Variants in ERICH6B observed in about 807,000 individuals in gnomAD.
ERICH6B encodes glutamate-rich protein 6B.
ERICH6B carries 69 observed loss-of-function variants against 80.0 expected under a neutral mutation model. That is an observed-to-expected ratio of 0.86 (90% CI 0.71 to 1.05). ERICH6B has a LOEUF of 1.05. Ranked by LOEUF, ERICH6B falls within the 50% of genes least tolerant of loss-of-function variation. The probability of loss-of-function intolerance (pLI) is 0.00; values close to 1 mark genes in which losing one functional copy is unlikely to be tolerated. For synonymous variants in ERICH6B, 283 were observed against 291.9 expected (o/e 0.97, Z 0.31); for missense variants, 754 against 796.1 (o/e 0.95, Z 0.64).
In ERICH6B at chr13:45,546,477, T is replaced by C. The variant is rs147711403; in HGVS notation, c.1647-1492A>G. 7.0e-3 allele frequency among the ~76,000 whole-genome samples: 1,071 copies of C among 152,356 alleles called. 8 individuals carry two copies. The highest frequency in any genetic ancestry group is 0.012 in the Non-Finnish European group (840 of 68,038). ...TTTATCTAGAAATATCTATTCACTGTAAACTTTGCCTTTCTTTGAAAACAA... is the reference window on the plus strand; with the variant it reads ...TTTATCTAGAAATATCTATTCACTGCAAACTTTGCCTTTCTTTGAAAACAA... On this transcript the variant is annotated intron_variant, in intron 13 of 14. Coordinates refer to ENST00000298738, the MANE Select transcript of ERICH6B (RefSeq NM_182542.3).
At chr13:45,611,422 A>T (rs1949899187) in intron 1 of ERICH6B, among the ~76,000 whole-genome samples, 1 of 152,262 alleles carries the variant, frequency 6.6e-6, no homozygotes, top group African/African-American at 2.4e-5. Context: ...ATAAGATTAA[A>T]GAAGCTTTCA....
intron 5 of ERICH6B, among the ~76,000 whole-genome samples, chr13:45,585,293 G>C (rs1053145510): frequency 2.0e-5 from 3 of 152,160 alleles, no homozygotes; most frequent in African/African-American, 7.2e-5. Context: ...TGGCTTTCTT[G>C]ATAGCTGACT....
At position 45,587,148 on chromosome 13, in the gene ERICH6B, A is replaced by G. The variant is rs1432458157; in HGVS notation, c.771T>C (p.Ser257=). ...GAAGCAACTCAGAAGACTCTGTGGCAGATTCAGAGACAGGAGAAGGGGTAG... is the reference window on the plus strand; with the variant it reads ...GAAGCAACTCAGAAGACTCTGTGGCGGATTCAGAGACAGGAGAAGGGGTAG... ...TFATPSPVSE[S]ATESSELLLT... Residue 257 remains serine (S), a synonymous_variant, in exon 5 of 15, where the codon TCT becomes TCC. Transcript: ENST00000298738. 5.2e-6 allele frequency: 8 copies of G among 1,551,712 alleles called. No individual in the cohort carries two copies. The Admixed American group carries it at 5.9e-5, about 11-fold the overall frequency.
At position 45,564,043 on chromosome 13, in the gene ERICH6B, C is replaced by T. The variant is rs536867865; in HGVS notation, c.1188-255G>A. 5.9e-5 allele frequency among the ~76,000 whole-genome samples: 9 copies of T among 152,264 alleles called. No homozygotes were observed. The East Asian group carries it at 7.7e-4, about 13-fold the overall frequency. On this transcript the variant is annotated intron_variant, in intron 9 of 14. Transcript: ENST00000298738. ...GCATACAGCTGAACCCTAAACCCTT[C>T]GAAACGAATTCAACTAGGGTAATCT...
intron 14 of ERICH6B, 36 bp downstream of exon 14, chr13:45,544,724 C>G (rs1372510686): frequency 6.5e-7 from 1 of 1,540,806 alleles, no homozygotes; most frequent in East Asian, 2.4e-5. Context: ...GGTGGGCACC[C>G]CACCTGGTGG....
rs1326385472 is a variant in ERICH6B, at chr13:45,549,976, C to T, written c.1563G>A (p.Leu521=). ...GGATCCTCCCTTCTAGACTGTCTTCCAGAATGATGTATGTGAACTTTTTCA... is the reference window on the plus strand; with the variant it reads ...GGATCCTCCCTTCTAGACTGTCTTCTAGAATGATGTATGTGAACTTTTTCA... ...AKMKKFTYII[L]EDSLEGRIRA... The change falls in exon 13 of 15, where the codon CTG becomes CTA. Residue 521 remains leucine, a synonymous_variant. Transcript: ENST00000298738. The T allele has an allele frequency of 6.4e-7, 1 of 1,551,788 alleles. No homozygotes were observed. The highest frequency in any genetic ancestry group is 8.7e-7 in the Non-Finnish European group (1 of 1,147,034).
intron 13 of ERICH6B, among the ~76,000 whole-genome samples, chr13:45,548,989 T>C (rs1449718952): frequency 2.0e-5 from 3 of 152,116 alleles, no homozygotes; most frequent in Admixed American, 6.6e-5. Flanking sequence ...TCCAAGATAA[T>C]ATAAGTCCCT....
chr13:45,545,051 C>G, intron 13 of ERICH6B, 66 bp from the exon 14 acceptor site: 1 of 1,281,824 alleles, frequency 7.8e-7, no homozygotes, highest in Non-Finnish European at 1.1e-6. Flanking sequence ...TCCTCCTCTT[C>G]TCCTTCCCTT....
chr13:45,563,565 C>A (rs758766669), intron 10 of ERICH6B, 162 bp downstream of exon 10: 2 of 689,354 alleles, frequency 2.9e-6, no homozygotes, highest in Non-Finnish European at 5.2e-6. Flanking sequence ...CTGCCATGCT[C>A]GGTATTTCAT....
intron 2 of ERICH6B, among the ~76,000 whole-genome samples, chr13:45,606,746 G>T (rs1391739653): frequency 6.6e-6 from 1 of 151,112 alleles, no homozygotes; most frequent in Non-Finnish European, 1.5e-5. Context: ...TAGAGACGGG[G>T]TTTCACCATA....
intron 11 of ERICH6B, among the ~76,000 whole-genome samples, chr13:45,553,343 G>GC (rs1874302237): frequency 6.6e-6 from 1 of 152,048 alleles, no homozygotes; most frequent in Non-Finnish European, 1.5e-5. Flanking sequence ...GCCACGGTGG[G>GC]CGCTGTGGTC....
intron 14 of ERICH6B, among the ~76,000 whole-genome samples, chr13:45,542,817 C>A (rs1873835379): frequency 6.6e-6 from 1 of 152,280 alleles, no homozygotes; most frequent in Admixed American, 6.5e-5. Context: ...GGCAAGGGAA[C>A]CTAGGGGGGT....
chr13:45,589,899 G>T (rs1876086836), intron 4 of ERICH6B, among the ~76,000 whole-genome samples: 1 of 152,176 alleles, frequency 6.6e-6, no homozygotes, highest in Admixed American at 6.5e-5. Context: ...GTGCAGGGCT[G>T]GAGGGGGGCT....
chr13:45,592,663 A>G (rs1488601092), intron 3 of ERICH6B, among the ~76,000 whole-genome samples: 2 of 152,222 alleles, frequency 1.3e-5, no homozygotes, highest in Non-Finnish European at 2.9e-5. Flanking sequence ...TATTTGCCAC[A>G]GGGCAGAATT....
intron 11 of ERICH6B, among the ~76,000 whole-genome samples, chr13:45,553,472 G>A (rs1365461964): frequency 2.6e-5 from 4 of 152,184 alleles, no homozygotes; most frequent in Non-Finnish European, 5.9e-5. Flanking sequence ...TTGAGAGAAA[G>A]CTGTCTGTTG....
intron 13 of ERICH6B, among the ~76,000 whole-genome samples, chr13:45,546,496 A>C (rs2137956722): frequency 6.6e-6 from 1 of 152,284 alleles, no homozygotes; most frequent in South Asian, 2.1e-4. Context: ...CCTTTCTTTG[A>C]AAACAACCCT....
intron 11 of ERICH6B, among the ~76,000 whole-genome samples, chr13:45,560,552 A>C (rs915006134): frequency 6.6e-6 from 1 of 152,226 alleles, no homozygotes; most frequent in Non-Finnish European, 1.5e-5. Context: ...AATGACATGT[A>C]TCCAACATTG....
At chr13:45,587,739 G>A (rs1875976309) in intron 4 of ERICH6B, among the ~76,000 whole-genome samples, 1 of 152,206 alleles carries the variant, frequency 6.6e-6, no homozygotes, top group South Asian at 2.1e-4. Flanking sequence ...GTGAGGTGCA[G>A]GCTCCACTAC....
At chr13:45,561,346 C>T (rs1874665618) in intron 11 of ERICH6B, 23 bp downstream of exon 11, 1 of 1,541,896 alleles carries the variant, frequency 6.5e-7, no homozygotes. Flanking sequence ...AAGTAAAAAA[C>T]AGCAATGTAC....
Sources: allele counts gnomAD v4.1 joint callset (sites outside exome capture counted in the v4.1 genomes callset), GRCh38; gene constraint gnomAD v4.1.1; transcripts MANE v1.5; gene names NCBI Gene and HGNC (gene_info 2026-07-23, HGNC 2026-07-21).